The following KAZN variants were observed in gnomAD, a reference collection of about 807,000 sequenced individuals.
The protein encoded by KAZN is kazrin, periplakin interacting protein, also known as kazrin.
In KAZN, 40 loss-of-function variants were observed where a neutral mutation model predicts 87.4. The ratio of observed to expected loss-of-function variants is 0.46; its 90% CI spans 0.36 to 0.60. KAZN has a LOEUF of 0.60. Ranked by LOEUF, KAZN falls within the 20% of genes least tolerant of loss-of-function variation. The pLI is 0.00. For missense variants in KAZN, 898 were observed against 1,073.9 expected, an observed-to-expected ratio of 0.84 and a Z score of 2.29; for synonymous variants, 466 against 458.3, an observed-to-expected ratio of 1.02 and a Z score of -0.22.
In KAZN at chr1:14,075,032, A is replaced by G. The variant is rs1643398202; in HGVS notation, c.92-105403A>G. On this transcript the variant is annotated intron_variant, in intron 1 of 16. Coordinates refer to the KAZN transcript ENST00000636203. Reference sequence around the variant, plus strand: ...TACGACTTATTTCTTATTTGAGAAGAGTTTCCTTGTGTTTTTGGTCACTGA... The same window carrying G: ...TACGACTTATTTCTTATTTGAGAAGGGTTTCCTTGTGTTTTTGGTCACTGA... Among the ~76,000 whole-genome samples, 4 of 152,244 alleles carry G rather than the reference A, an allele frequency of 2.6e-5. No homozygotes were observed. The South Asian group carries it at 8.3e-4, about 32-fold the overall frequency.
chr1:14,422,143 G>T (rs1304872955), intron 2 of KAZN, among the ~76,000 whole-genome samples: 1 of 152,130 alleles, frequency 6.6e-6, no homozygotes, highest in Non-Finnish European at 1.5e-5. Flanking sequence ...TAGGCAAATC[G>T]CTATTTTACC....
chr1:15,065,019 T>TTTTC (rs1178006435), intron 7 of KAZN, among the ~76,000 whole-genome samples: 3,424 of 134,452 alleles, frequency 0.025, 268 homozygotes, highest in African/African-American at 0.095. Context: ...CTTGGGGTCT[T>TTTTC]TTTCTTTCTT....
At chr1:14,436,518 G>A (rs1050291816) in intron 2 of KAZN, among the ~76,000 whole-genome samples, 9 of 151,726 alleles carry the variant, frequency 5.9e-5, no homozygotes, top group African/African-American at 2.2e-4. Flanking sequence ...AGGAGTTCGA[G>A]ACCAGCCTGG....
At chr1:13,893,949 A>G (rs1377825837) in intron 1 of KAZN, among the ~76,000 whole-genome samples, 2 of 152,194 alleles carry the variant, frequency 1.3e-5, no homozygotes, top group East Asian at 1.9e-4. Flanking sequence ...TAAAAGATAA[A>G]GTTTTTAGGA....
intron 2 of KAZN, among the ~76,000 whole-genome samples, chr1:14,285,152 A>G (rs903731871): frequency 6.6e-6 from 1 of 152,224 alleles, no homozygotes; most frequent in Non-Finnish European, 1.5e-5. Flanking sequence ...CCCAGTCGGT[A>G]AAGTGTTGCA....
At chr1:15,015,387 G>A (rs1475105184) in intron 2 of KAZN, among the ~76,000 whole-genome samples, 4 of 152,074 alleles carry the variant, frequency 2.6e-5, no homozygotes, top group East Asian at 1.9e-4. Context: ...TCCTGACCTC[G>A]TGATCCTCCC....
chr1:14,552,218 C>G (rs12738424), intron 2 of KAZN, among the ~76,000 whole-genome samples: 96,650 of 152,026 alleles, frequency 0.64, 31,772 homozygotes, highest in Non-Finnish European at 0.73. Flanking sequence ...CTCCCTTTGC[C>G]ACCATCCTCC....
Position 14,482,206 on chromosome 1 carries a change from C to A in KAZN, c.250-116777C>A, listed in dbSNP as rs752040747. On this transcript the variant is annotated intron_variant, in intron 2 of 16. Transcript: ENST00000636203. The stretch of plus-strand genomic sequence containing the variant: ...GCTCACCCCCTCCCGCTAGCTGATA[C>A]CCCAACCTACCCAACCTGAAAGAAA... 1.6e-4 allele frequency among the ~76,000 whole-genome samples: 25 copies of A among 152,180 alleles called. 1 individual carries two copies. The highest frequency in any genetic ancestry group is 1.3e-3 in the Admixed American group (20 of 15,276).
chr1:14,002,910 G>A (rs1052676898), intron 1 of KAZN, among the ~76,000 whole-genome samples: 3 of 152,172 alleles, frequency 2.0e-5, no homozygotes, highest in African/African-American at 2.4e-5. Context: ...GCACACGTAT[G>A]TCTATTGCAG....
intron 2 of KAZN, among the ~76,000 whole-genome samples, chr1:14,393,059 T>C (rs1662590903): frequency 6.6e-6 from 1 of 152,198 alleles, no homozygotes; most frequent in South Asian, 2.1e-4. Flanking sequence ...GACTGTTCTC[T>C]GCTGGCTCAT....
chr1:14,196,291 A>G (rs1646524265), intron 2 of KAZN, among the ~76,000 whole-genome samples: 1 of 152,222 alleles, frequency 6.6e-6, no homozygotes, highest in Non-Finnish European at 1.5e-5. Flanking sequence ...TTTCAAACAA[A>G]GGAATGATAT....
chr1:15,091,748 A>G (rs572876487), intron 8 of KAZN, among the ~76,000 whole-genome samples: 1 of 152,340 alleles, frequency 6.6e-6, no homozygotes, highest in African/African-American at 2.4e-5. Context: ...TCATTCCTTC[A>G]AACAAACTCT....
intron 2 of KAZN, among the ~76,000 whole-genome samples, chr1:14,222,805 A>T (rs923825049): frequency 6.6e-6 from 1 of 152,208 alleles, no homozygotes; most frequent in Non-Finnish European, 1.5e-5. Flanking sequence ...TACAAAGGTC[A>T]TGATGTCCCA....
chr1:14,443,238 TG>T (rs1010887448), intron 2 of KAZN, among the ~76,000 whole-genome samples: 30 of 152,366 alleles, frequency 2.0e-4, no homozygotes, highest in African/African-American at 6.0e-4. Context: ...CTCTCCCGAA[TG>T]GGCCCCAGTG....
At chr1:13,905,541 C>T (rs1484880351) in intron 1 of KAZN, among the ~76,000 whole-genome samples, 2 of 151,182 alleles carry the variant, frequency 1.3e-5, no homozygotes, top group Admixed American at 6.6e-5. Flanking sequence ...TCAGGACCCA[C>T]ATCCAAGTCT....
chr1:14,608,193 A>G (rs1457752941), intron 1 of KAZN, among the ~76,000 whole-genome samples: 6 of 152,154 alleles, frequency 3.9e-5, no homozygotes, highest in Admixed American at 3.3e-4. Flanking sequence ...CGGTTTTGCT[A>G]TTTTGCTTAA....
At chr1:14,911,115 T>G (rs1657197520) in intron 1 of KAZN, among the ~76,000 whole-genome samples, 1 of 152,150 alleles carries the variant, frequency 6.6e-6, no homozygotes. Context: ...TGTTGGCCAC[T>G]TCAAGTCCCT....
intron 2 of KAZN, among the ~76,000 whole-genome samples, chr1:14,475,891 C>T (rs568276769): frequency 2.0e-4 from 30 of 151,944 alleles, no homozygotes; most frequent in South Asian, 1.2e-3. Flanking sequence ...AGAAAGCCTT[C>T]GGAAGGTTAC....
rs569625918 is a variant in KAZN at position 14,901,441 on chromosome 1, G to A, written c.227-59243G>A. The stretch of plus-strand genomic sequence containing the variant: ...TCCAGGAGTTCAGATTTTATCCACC[G>A]AGCAATGGGAAGCCAGTGGAGGACC... On this transcript the variant is annotated intron_variant, in intron 1 of 14. Transcript: ENST00000376030. Among the ~76,000 whole-genome samples, 67 of 152,114 alleles carry A rather than the reference G, an allele frequency of 4.4e-4. 1 individual carries two copies. The highest frequency in any genetic ancestry group is 6.5e-4 in the African/African-American group (27 of 41,500).
Sources: allele counts gnomAD v4.1 joint callset (sites outside exome capture counted in the v4.1 genomes callset), GRCh38; gene constraint gnomAD v4.1.1; transcripts MANE v1.5; gene names NCBI Gene and HGNC (gene_info 2026-07-23, HGNC 2026-07-21).